Variants in TCF7L2 observed in about 807,000 individuals in gnomAD.
TCF7L2 encodes transcription factor 7 like 2.
TCF7L2 carries 23 observed loss-of-function variants against 77.9 expected under a neutral mutation model. The observed-to-expected ratio is 0.30, with a 90% CI of 0.21 to 0.42. The LOEUF is 0.42. Ranked by LOEUF, TCF7L2 falls within the 10% of genes least tolerant of loss-of-function variation. The pLI, the probability that TCF7L2 is intolerant of heterozygous loss-of-function variation, is 1.00. For missense variants in TCF7L2, 654 were observed against 793.1 expected, an observed-to-expected ratio of 0.82 and a Z score of 2.11; for synonymous variants, 413 against 340.2, an observed-to-expected ratio of 1.21 and a Z score of -2.36.
At chr10:113,036,156 A>G (rs1398623086) in intron 4 of TCF7L2, among the ~76,000 whole-genome samples, 1 of 121,094 alleles carries the variant, frequency 8.3e-6, no homozygotes, top group Non-Finnish European at 1.8e-5. Flanking sequence ...CATCATCATC[A>G]TCATCATCTG....
chr10:113,128,330 T>A (rs2065998889), intron 5 of TCF7L2, among the ~76,000 whole-genome samples: 1 of 152,186 alleles, frequency 6.6e-6, no homozygotes, highest in Non-Finnish European at 1.5e-5. Context: ...TTGTTATTTT[T>A]AAGCCTGCCC....
intron 5 of TCF7L2, 128 bp downstream of exon 5, chr10:113,040,254 G>T: frequency 2.6e-6 from 2 of 771,924 alleles, no homozygotes; most frequent in South Asian, 1.9e-5. Flanking sequence ...TGGAAATATT[G>T]TTGGGTATAG....
intron 11 of TCF7L2, among the ~76,000 whole-genome samples, chr10:113,157,309 G>C (rs140356816): frequency 6.6e-6 from 1 of 152,136 alleles, no homozygotes. Context: ...GTAGAGACGG[G>C]GTTTCGCCAC....
At chr10:113,045,433 A>G (rs2053265088) in intron 5 of TCF7L2, among the ~76,000 whole-genome samples, 1 of 152,166 alleles carries the variant, frequency 6.6e-6, no homozygotes. Context: ...AAAGAGACAA[A>G]TAAGTGGGTG....
At chr10:113,003,801 G>A (rs773468287) in intron 4 of TCF7L2, among the ~76,000 whole-genome samples, 2 of 152,140 alleles carry the variant, frequency 1.3e-5, no homozygotes, top group South Asian at 2.1e-4. Context: ...TGTTCTGTTC[G>A]GCTGAAAATA....
chr10:113,145,958 TCCCC>T, intron 7 of TCF7L2, 49 bp from the exon 8 acceptor site: 1 of 1,350,236 alleles, frequency 7.4e-7, no homozygotes, highest in Non-Finnish European at 1.0e-6. Flanking sequence ...CTTTTTCTTG[TCCCC>T]ACCCCCACCC....
At chr10:113,142,084 A>G (rs2068487409) in intron 6 of TCF7L2, among the ~76,000 whole-genome samples, 1 of 152,180 alleles carries the variant, frequency 6.6e-6, no homozygotes, top group African/African-American at 2.4e-5. Context: ...GGCTCCCTGC[A>G]ACCTCTGCCT....
intron 4 of TCF7L2, among the ~76,000 whole-genome samples, chr10:113,031,457 G>A (rs1049895512): frequency 1.3e-5 from 2 of 150,402 alleles, no homozygotes; most frequent in African/African-American, 4.9e-5. Flanking sequence ...AAACAAGCCA[G>A]CAAGGTTTGG....
chr10:112,950,906 T>A lies in TCF7L2; in HGVS notation c.150T>A (p.Asn50Lys). ...CTGATGTCAAATCGTCTCTAGTCAA[T>A]GAATCAGAAACGAATCAAAACAGCT... is the stretch of plus-strand genomic sequence containing the variant. Residue 50 changes from asparagine (N) to lysine (K), a missense_variant, in exon 1 of 14, where the codon AAT (asparagine) becomes AAA (lysine). Physicochemically the swap from Asn to Lys is moderately conservative, Grantham distance 94 (BLOSUM62 0). Transcript: ENST00000627217. 20 of 1,612,412 alleles carry A rather than the reference T, an allele frequency of 1.2e-5. No homozygotes were observed. Among genetic ancestry groups the A allele is most frequent in the Non-Finnish European group, 1.7e-5 (20 of 1,179,506 alleles).
At chr10:113,117,890 C>T (rs909865730) in intron 5 of TCF7L2, among the ~76,000 whole-genome samples, 5 of 152,214 alleles carry the variant, frequency 3.3e-5, no homozygotes, top group African/African-American at 7.2e-5. Context: ...CTGGGGCAGG[C>T]ACCGAAGTTG....
intron 5 of TCF7L2, among the ~76,000 whole-genome samples, chr10:113,090,793 A>G (rs532831602): frequency 5.2e-4 from 79 of 152,132 alleles, no homozygotes; most frequent in African/African-American, 1.8e-3. Flanking sequence ...TATTTTTAGT[A>G]AAGACAGGGT....
In TCF7L2 at chr10:113,165,706, C is replaced by T. The variant is rs2137650658; in HGVS notation, c.1543C>T (p.Gln515Ter). 1 of 1,612,928 alleles carries T rather than the reference C, an allele frequency of 6.2e-7. No individual in the cohort carries two copies. The highest frequency in any genetic ancestry group is 8.5e-7 in the Non-Finnish European group (1 of 1,179,612). The change falls in exon 14 of 14, where the codon CAG becomes TAG. Residue 515 changes from glutamine (Q) to a stop codon, truncating the protein, a stop_gained. Coordinates refer to ENST00000627217, the MANE Select transcript of TCF7L2 (RefSeq NM_001146274.2). LOFTEE classifies it high-confidence loss of function. ...CGCCAAGTCACAGACTGAGCAGACCCAGCCTCTGTCGCTGTCCCTGAAGCC... is the reference window on the plus strand; with the variant it reads ...CGCCAAGTCACAGACTGAGCAGACCTAGCCTCTGTCGCTGTCCCTGAAGCC...
intron 5 of TCF7L2, among the ~76,000 whole-genome samples, chr10:113,040,366 G>T (rs978226786): frequency 2.6e-5 from 4 of 152,076 alleles, no homozygotes; most frequent in East Asian, 1.9e-4. Context: ...CATGTATTTG[G>T]TTAAAATCTA....
intron 10 of TCF7L2, 142 bp downstream of exon 10, chr10:113,152,026 C>G: frequency 8.4e-7 from 1 of 1,192,652 alleles, no homozygotes; most frequent in African/African-American, 1.5e-5. Flanking sequence ...CTTGAATGGC[C>G]TTCACTGAGT....
At chr10:112,965,831 G>T (rs566905807) in intron 4 of TCF7L2, among the ~76,000 whole-genome samples, 4 of 152,216 alleles carry the variant, frequency 2.6e-5, no homozygotes, top group Non-Finnish European at 5.9e-5. Flanking sequence ...TTTATTTGGT[G>T]CATTCCTAGT....
intron 4 of TCF7L2, among the ~76,000 whole-genome samples, 192 bp downstream of exon 4, chr10:112,964,816 G>GTGGTGATGGT (rs1331506565): frequency 1.4e-4 from 21 of 148,162 alleles, no homozygotes; most frequent in East Asian, 6.2e-4. Flanking sequence ...TGGTGGTGGG[G>GTGGTGATGGT]GGGGGTTGAA....
chr10:113,058,530 C>T (rs1051360729), intron 5 of TCF7L2, among the ~76,000 whole-genome samples: 9 of 152,038 alleles, frequency 5.9e-5, no homozygotes, highest in Non-Finnish European at 8.8e-5. Flanking sequence ...TGTGATCCTC[C>T]GGGCAGCTCA....
intron 5 of TCF7L2, among the ~76,000 whole-genome samples, chr10:113,083,164 G>T (rs546174851): frequency 2.6e-4 from 39 of 151,958 alleles, no homozygotes; most frequent in African/African-American, 8.2e-4. Flanking sequence ...GTGGCTGTGT[G>T]CTATGGAGGT....
chr10:113,125,991 C>T (rs917981563), intron 5 of TCF7L2: 1 of 152,112 alleles, frequency 6.6e-6, no homozygotes, highest in Non-Finnish European at 1.5e-5. Flanking sequence ...TTTCAATTAT[C>T]GCTATTTGAA....
Sources: gnomAD v4.1 joint callset for allele counts (sites outside exome capture counted in the v4.1 genomes callset) on GRCh38, gnomAD v4.1.1 for gene constraint, MANE v1.5 for transcripts, NCBI Gene and HGNC (gene_info 2026-07-23, HGNC 2026-07-21) for gene names.